MYH11: variants seen among roughly 807,000 people sequenced by gnomAD.
The protein encoded by MYH11 is myosin-11.
Under a neutral mutation model 246.6 loss-of-function variants are expected in MYH11, and 80 were observed. That is an observed-to-expected ratio of 0.32 (90% CI 0.27 to 0.39). The LOEUF (loss-of-function observed/expected upper bound fraction) is 0.39, where lower values mean the gene tolerates loss of function less well. MYH11 is among the 10% of genes least tolerant of loss of function. The probability of loss-of-function intolerance (pLI) is 1.00; values close to 1 mark genes in which losing one functional copy is unlikely to be tolerated. For synonymous variants in MYH11, 1,071 were observed against 1,015.5 expected, an observed-to-expected ratio of 1.05 and a Z score of -1.04; for missense variants, 2,158 against 2,546.8, an observed-to-expected ratio of 0.85 and a Z score of 3.29.
intron 3 of MYH11, among the ~76,000 whole-genome samples, chr16:15,815,218 A>G (rs2043235845): frequency 6.6e-6 from 1 of 152,226 alleles, no homozygotes; most frequent in Admixed American, 6.6e-5. Context: ...ATAGCCAAGA[A>G]TCCCAAGACA....
At position 15,754,550 on chromosome 16, in the gene MYH11, A is replaced by G. The variant is rs555355849; in HGVS notation, c.1750-1042T>C. Among the ~76,000 whole-genome samples the G allele has an allele frequency of 3.3e-5, 5 of 152,336 alleles. No individual in the cohort carries two copies. The South Asian group carries it at 1.0e-3, about 32-fold the overall frequency. On this transcript the variant is annotated intron_variant, in intron 14 of 40. Transcript: ENST00000300036. The stretch of plus-strand genomic sequence containing the variant: ...GGGAAAAGAAAAGTGTTGTCTCTAT[A>G]TGCTTAAAGGAACATATACCCCCTT...
At chr16:15,816,811 A>G (rs1379214471) in intron 3 of MYH11, among the ~76,000 whole-genome samples, 1 of 151,006 alleles carries the variant, frequency 6.6e-6, no homozygotes, top group Non-Finnish European at 1.5e-5. Flanking sequence ...AAAAAAATCA[A>G]TTAAAGGAGT....
chr16:15,824,655 G>C (rs1386449880), intron 2 of MYH11, among the ~76,000 whole-genome samples: 1 of 152,170 alleles, frequency 6.6e-6, no homozygotes, highest in Non-Finnish European at 1.5e-5. Context: ...TGTCCAGAGG[G>C]ATCCGCAGTC....
intron 8 of MYH11, among the ~76,000 whole-genome samples, chr16:15,775,314 AAC>A (rs1448226181): frequency 1.3e-5 from 2 of 152,242 alleles, no homozygotes; most frequent in Admixed American, 1.3e-4. Flanking sequence ...GTTTTATTGT[AAC>A]ACAGTGATGC....
intron 3 of MYH11, among the ~76,000 whole-genome samples, chr16:15,803,936 GT>G (rs2042949833): frequency 6.6e-6 from 1 of 152,154 alleles, no homozygotes; most frequent in African/African-American, 2.4e-5. Context: ...CAGGGTGCTG[GT>G]TACGAGCAGA....
chr16:15,740,152 T>A lies in MYH11; in HGVS notation c.2896A>T (p.Arg966Trp). The part of the protein sequence containing the change: ...EEQLEEEEAA[R>W]QKLQLEKVTA... ...ACCTTCTCAAGTTGCAGCTTCTGCC[T>A]GGCAGCTTCCTCCTCCTCCAGCTGT... Residue 966 changes from arginine (R) to tryptophan (W), a missense_variant, in exon 23 of 41, where the codon AGG becomes TGG. Transcript: ENST00000300036. 6.2e-7 allele frequency: 1 copy of A among 1,614,232 alleles called. No individual in the cohort carries two copies. The highest frequency in any genetic ancestry group is 8.5e-7 in the Non-Finnish European group (1 of 1,180,038).
chr16:15,717,488 A>G, intron 37 of MYH11, 140 bp from the exon 38 acceptor site: 1 of 832,514 alleles, frequency 1.2e-6, no homozygotes, highest in South Asian at 1.6e-5. Context: ...TCATCCTGTA[A>G]AACTCCACTC....
At chr16:15,765,593 C>A (rs2041964472) in intron 9 of MYH11, among the ~76,000 whole-genome samples, 1 of 152,178 alleles carries the variant, frequency 6.6e-6, no homozygotes, top group African/African-American at 2.4e-5. Context: ...GTTCCAGGAA[C>A]AAAGCCTAGA....
chr16:15,729,550 AT>A (rs35507327), intron 27 of MYH11, among the ~76,000 whole-genome samples: 38,906 of 136,866 alleles, frequency 0.28, 5,229 homozygotes, highest in Middle Eastern at 0.4. Flanking sequence ...TCCAACCATA[AT>A]TTTTTTTTTT....
chr16:15,706,087 G>A (rs1291110087), intron 40 of MYH11, among the ~76,000 whole-genome samples: 3 of 151,964 alleles, frequency 2.0e-5, no homozygotes, highest in African/African-American at 7.3e-5. Context: ...AGAGACCCCG[G>A]CTGGGAAAGC....
At chr16:15,832,283 G>T (rs919666311) in intron 2 of MYH11, among the ~76,000 whole-genome samples, 21 of 152,256 alleles carry the variant, frequency 1.4e-4, no homozygotes, top group African/African-American at 5.1e-4. Context: ...GAGCAGGGGG[G>T]CCCATCCACC....
At chr16:15,744,731 G>C (rs1304260322) in intron 20 of MYH11, among the ~76,000 whole-genome samples, 1 of 148,722 alleles carries the variant, frequency 6.7e-6, no homozygotes, top group East Asian at 2.0e-4. Flanking sequence ...TTGAACTCCT[G>C]ACCGCAAGTG....
intron 40 of MYH11, among the ~76,000 whole-genome samples, chr16:15,705,146 T>A (rs1310714007): frequency 6.6e-6 from 1 of 152,160 alleles, no homozygotes; most frequent in Non-Finnish European, 1.5e-5. Flanking sequence ...CACGCCTGGC[T>A]AATTTTTGTA....
chr16:15,737,522 G>T lies in MYH11; in HGVS notation c.3220C>A (p.Leu1074Ile). The stretch of plus-strand genomic sequence containing the variant: ...TTGAGCTCTGCGATCTGCGCCTGGA[G>T]GTCAGCGATCTGCTCGTGGAAGTCG... The part of the protein sequence containing the change: ...ASDFHEQIAD[L>I]QAQIAELKMQ... Residue 1074 changes from leucine to isoleucine, a missense_variant, in exon 25 of 41, where the codon CTC becomes ATC. By Grantham distance (5) the Leu-to-Ile change is conservative. Around this residue, in one of 11 missense-constraint regions of MYH11, gnomAD observed 284 missense variants for 315.4 expected, o/e 0.90. Transcript: ENST00000300036. The T allele has an allele frequency of 6.2e-7, 1 of 1,614,026 alleles. No homozygotes were observed. Among genetic ancestry groups the T allele is most frequent in the Non-Finnish European group, 8.5e-7 (1 of 1,180,034 alleles).
intron 9 of MYH11, among the ~76,000 whole-genome samples, chr16:15,770,277 C>G (rs1179838784): frequency 6.6e-6 from 1 of 152,172 alleles, no homozygotes; most frequent in Non-Finnish European, 1.5e-5. Flanking sequence ...TTCGGAGGAG[C>G]TGCCCCTCCC....
At chr16:15,832,760 T>C (rs1193462991) in intron 2 of MYH11, among the ~76,000 whole-genome samples, 2 of 152,030 alleles carry the variant, frequency 1.3e-5, no homozygotes, top group Non-Finnish European at 2.9e-5. Flanking sequence ...CCTCTGGCAC[T>C]GTCCCCTCCT....
chr16:15,819,733 T>C (rs190526980), intron 3 of MYH11, among the ~76,000 whole-genome samples: 4 of 152,256 alleles, frequency 2.6e-5, no homozygotes, highest in Admixed American at 1.3e-4. Context: ...TGTAATGCGC[T>C]CGAATCATCC....
At chr16:15,800,797 C>A (rs1447534587) in intron 3 of MYH11, among the ~76,000 whole-genome samples, 1 of 151,984 alleles carries the variant, frequency 6.6e-6, no homozygotes, top group Admixed American at 6.6e-5. Flanking sequence ...TCTCTTCCCT[C>A]GGATTATAGA....
At chr16:15,771,437 T>G in intron 9 of MYH11, 132 bp downstream of exon 9, 2 of 229,576 alleles carry the variant, frequency 8.7e-6, no homozygotes, top group Non-Finnish European at 1.3e-5. Context: ...TTTTCCTCCT[T>G]TTTTTTTTTT....
Sources: allele counts gnomAD v4.1 joint callset (sites outside exome capture counted in the v4.1 genomes callset), GRCh38; gene constraint gnomAD v4.1.1; regional missense constraint gnomAD v4.1.1; transcripts MANE v1.5; gene names NCBI Gene and HGNC (gene_info 2026-07-23, HGNC 2026-07-21).